Variants in DACH1 observed in about 807,000 individuals in gnomAD.
DACH1 encodes the protein dachshund family transcription factor 1, also known as dachshund homolog 1.
Under a neutral mutation model 54.2 loss-of-function variants are expected in DACH1, and 12 were observed. The ratio of observed to expected loss-of-function variants is 0.22; its 90% CI spans 0.14 to 0.36. DACH1 has a LOEUF of 0.36. Ranked by LOEUF, DACH1 falls within the 10% of genes least tolerant of loss-of-function variation. The pLI is 1.00. For missense variants in DACH1, 805 were observed against 929.8 expected, an observed-to-expected ratio of 0.87 and a Z score of 1.75; for synonymous variants, 386 against 366.2, an observed-to-expected ratio of 1.05 and a Z score of -0.62.
chr13:71,695,006 G>A (rs893057166), intron 1 of DACH1, among the ~76,000 whole-genome samples: 3 of 152,086 alleles, frequency 2.0e-5, no homozygotes, highest in African/African-American at 7.2e-5. Flanking sequence ...AAAAGTATAA[G>A]TTTTCTTATT....
intron 1 of DACH1, among the ~76,000 whole-genome samples, chr13:71,759,489 A>T (rs988539194): frequency 6.6e-6 from 1 of 152,198 alleles, no homozygotes; most frequent in Non-Finnish European, 1.5e-5. Flanking sequence ...AAAGTAAACA[A>T]TTTTTAACTC....
chr13:71,820,715 A>G (rs1454016799), intron 1 of DACH1, among the ~76,000 whole-genome samples: 1 of 152,206 alleles, frequency 6.6e-6, no homozygotes, highest in African/African-American at 2.4e-5. Flanking sequence ...ATGTAGAAAG[A>G]GCATTAGAAA....
At chr13:71,529,865 T>C (rs766759945) in intron 6 of DACH1, among the ~76,000 whole-genome samples, 28 of 152,340 alleles carry the variant, frequency 1.8e-4, no homozygotes, top group South Asian at 1.0e-3. Flanking sequence ...TGGGAAATAG[T>C]ATTTTTAGGA....
At chr13:71,675,803 T>C (rs1880530497) in intron 2 of DACH1, among the ~76,000 whole-genome samples, 1 of 152,176 alleles carries the variant, frequency 6.6e-6, no homozygotes, top group Non-Finnish European at 1.5e-5. Flanking sequence ...TGCCAGCATT[T>C]GGATTTTTTT....
chr13:71,712,757 T>G (rs942104819), intron 1 of DACH1, among the ~76,000 whole-genome samples: 4 of 152,136 alleles, frequency 2.6e-5, no homozygotes, highest in Non-Finnish European at 5.9e-5. Context: ...TATTTCAACC[T>G]ATTTAGTCAG....
rs529982605 is a variant in DACH1, at chr13:71,610,017, C to T, written c.1126+20539G>A. On this transcript the variant is annotated intron_variant, in intron 3 of 10. Coordinates refer to ENST00000613252, the MANE Select transcript of DACH1 (RefSeq NM_080759.6). ...AATTTGAAATGAAGAACCTAATATT[C>T]AACTTTGTTCTAAAGTATGGCCAGT... 6.3e-4 allele frequency among the ~76,000 whole-genome samples: 96 copies of T among 151,984 alleles called. No individual in the cohort carries two copies. The Middle Eastern group carries it at 0.014, about 22-fold the overall frequency.
intron 1 of DACH1, among the ~76,000 whole-genome samples, chr13:71,720,913 T>C (rs1883203265): frequency 2.0e-5 from 3 of 152,180 alleles, no homozygotes; most frequent in Admixed American, 6.5e-5. Flanking sequence ...TAAATGTCCC[T>C]GTCATCACAT....
chr13:71,635,389 C>T (rs1877407423), intron 2 of DACH1, among the ~76,000 whole-genome samples: 2 of 152,248 alleles, frequency 1.3e-5, no homozygotes, highest in Admixed American at 6.5e-5. Flanking sequence ...ATTCTCAAAT[C>T]CCTTCCAATT....
chr13:71,658,552 A>G (rs1879288469), intron 2 of DACH1, among the ~76,000 whole-genome samples: 1 of 152,118 alleles, frequency 6.6e-6, no homozygotes, highest in Non-Finnish European at 1.5e-5. Context: ...CTCCATCTCA[A>G]AAAAAAGTAA....
chr13:71,467,361 AG>A (rs1012828089), intron 10 of DACH1, among the ~76,000 whole-genome samples: 1 of 55,674 alleles, frequency 1.8e-5, no homozygotes, highest in Non-Finnish European at 3.2e-5. Flanking sequence ...GGGTGGGGGG[AG>A]GGGGGAGGGA....
intron 1 of DACH1, among the ~76,000 whole-genome samples, chr13:71,842,445 G>T (rs559880468): frequency 6.6e-6 from 1 of 151,984 alleles, no homozygotes; most frequent in South Asian, 2.1e-4. Flanking sequence ...AGGCATGGTG[G>T]TGTACATCTG....
chr13:71,864,474 T>C (rs1252706248), intron 1 of DACH1, among the ~76,000 whole-genome samples: 1 of 152,162 alleles, frequency 6.6e-6, no homozygotes, highest in Non-Finnish European at 1.5e-5. Flanking sequence ...TCCACCTAAG[T>C]TTCCCTATCT....
intron 6 of DACH1, among the ~76,000 whole-genome samples, chr13:71,490,071 A>C (rs1259826536): frequency 1.3e-5 from 2 of 152,092 alleles, no homozygotes; most frequent in African/African-American, 4.8e-5. Flanking sequence ...TCACAGAGAA[A>C]ATTTTATTCA....
At chr13:71,835,208 G>A (rs550212794) in intron 1 of DACH1, among the ~76,000 whole-genome samples, 7 of 151,928 alleles carry the variant, frequency 4.6e-5, no homozygotes, top group Non-Finnish European at 8.8e-5. Context: ...AAAAGAAACC[G>A]GCCTGTTCAC....
intron 2 of DACH1, among the ~76,000 whole-genome samples, chr13:71,656,587 A>G (rs1879105293): frequency 1.3e-5 from 2 of 151,880 alleles, no homozygotes; most frequent in East Asian, 3.9e-4. Flanking sequence ...TCTTTCCAAC[A>G]TTTTTACTAC....
At position 71,674,980 on chromosome 13, in the gene DACH1, C is replaced by G. The variant is rs1328347059; in HGVS notation, c.964+6815G>C. On this transcript the variant is annotated intron_variant, in intron 2 of 10. Coordinates refer to ENST00000613252, the MANE Select transcript of DACH1 (RefSeq NM_080759.6). ...GTGTTCGCAGCCGCCACCGCGCTGC[C>G]GTCGCTCTCCAACGCCAGCGCCGCC... 3 of 708,368 alleles carry G rather than the reference C, an allele frequency of 4.2e-6. No homozygotes were observed. In the East Asian group the frequency reaches 7.9e-5, roughly 19 times the overall value. 43.9% of individuals were successfully genotyped at this position (708,368 alleles called of 1,614,324 possible). A position where few individuals can be genotyped will look rare whatever the true frequency, so the allele number is the denominator to read the frequency against.
chr13:71,471,339 T>C (rs1877053491), intron 10 of DACH1, among the ~76,000 whole-genome samples: 1 of 151,972 alleles, frequency 6.6e-6, no homozygotes, highest in Admixed American at 6.6e-5. Context: ...ACATACCGTT[T>C]TGTGCACTGA....
intron 1 of DACH1, among the ~76,000 whole-genome samples, chr13:71,802,045 G>T (rs1887309422): frequency 2.0e-5 from 3 of 152,052 alleles, no homozygotes; most frequent in Admixed American, 2.0e-4. Flanking sequence ...TAATTTGCTT[G>T]CTGAGAGATT....
chr13:71,791,041 T>G (rs531170143), intron 1 of DACH1, among the ~76,000 whole-genome samples: 2 of 152,334 alleles, frequency 1.3e-5, no homozygotes, highest in South Asian at 4.1e-4. Flanking sequence ...ACGAAACAGC[T>G]GACTGAAACC....
Sources: gnomAD v4.1 joint callset for allele counts (sites outside exome capture counted in the v4.1 genomes callset) on GRCh38, gnomAD v4.1.1 for gene constraint, MANE v1.5 for transcripts, NCBI Gene and HGNC (gene_info 2026-07-23, HGNC 2026-07-21) for gene names.